The following OR52N2 variants were observed in gnomAD, a reference collection of about 807,000 sequenced individuals.
OR52N2 encodes olfactory receptor 52N2.
For synonymous variants in OR52N2, 129 were observed against 72.0 expected (o/e 1.79, Z -4.01); for missense variants, 326 against 196.6 (o/e 1.66, Z -3.94).
chr11:5,820,433 T>C lies in OR52N2; in HGVS notation c.98T>C (p.Phe33Ser). 2.6e-6 allele frequency: 2 copies of C among 780,838 alleles called. No individual in the cohort carries two copies. Among genetic ancestry groups the C allele is most frequent in the Non-Finnish European group, 4.8e-6 (2 of 418,046 alleles). 48.4% of individuals were successfully genotyped at this position (780,838 alleles called of 1,614,324 possible). The change falls in exon 2 of 2, where the codon TTC (phenylalanine) becomes TCC (serine). Residue 33 changes from phenylalanine (F) to serine (S), a missense_variant. Transcript: ENST00000317037. ...EATHIWISLP[F>S]CFMYIIAVVG... ...ACACACATCTGGATCTCCCTGCCAT[T>C]CTGCTTTATGTACATCATTGCTGTC...
At chr11:5,816,440 T>C (rs73394346) in intron 1 of OR52N2, among the ~76,000 whole-genome samples, 15,207 of 152,158 alleles carry the variant, frequency 0.1, 1,197 homozygotes, top group African/African-American at 0.22. Flanking sequence ...TAGGGCACCC[T>C]ATGAACTTTC....
chr11:5,814,366 A>G (rs1296174806), intron 1 of OR52N2, among the ~76,000 whole-genome samples: 1 of 144,172 alleles, frequency 6.9e-6, no homozygotes, highest in African/African-American at 2.5e-5. Flanking sequence ...ACAATCTGAA[A>G]AGAAATTTAG....
rs1170257258 is a variant in OR52N2 at position 5,820,861 on chromosome 11, A to G, written c.526A>G (p.Ile176Val). The G allele has an allele frequency of 1.3e-6, 1 of 780,928 alleles. No homozygotes were observed. Among genetic ancestry groups the G allele is most frequent in the African/African-American group, 1.7e-5 (1 of 59,236 alleles). The allele number at this position is 780,928 out of a possible 1,614,324, so 48.4% of individuals were successfully genotyped here. The change falls in exon 2 of 2, where the codon ATC becomes GTC. Residue 176 changes from isoleucine (I) to valine (V), a missense_variant. Transcript: ENST00000317037. ...CCTGCCCTATTGCCGGGGGAACTTC[A>G]TCCCCCACACCTACTGTGACCATAT... Reference protein sequence around the residue: ...KRLPYCRGNFIPHTYCDHMSV... With the variant: ...KRLPYCRGNFVPHTYCDHMSV...
chr11:5,810,203 G>A (rs939881351), intron 1 of OR52N2, among the ~76,000 whole-genome samples: 1 of 152,176 alleles, frequency 6.6e-6, no homozygotes, highest in African/African-American at 2.4e-5. Context: ...CAAGCTTTCC[G>A]AAAGAGACTT....
chr11:5,819,776 T>C (rs1846431399), intron 1 of OR52N2, among the ~76,000 whole-genome samples: 1 of 152,206 alleles, frequency 6.6e-6, no homozygotes. Context: ...ATATATAGAA[T>C]ACAAGCATTT....
intron 1 of OR52N2, among the ~76,000 whole-genome samples, chr11:5,811,079 TATA>T: frequency 6.6e-6 from 1 of 151,330 alleles, no homozygotes; most frequent in South Asian, 2.1e-4. Context: ...GATATATAAA[TATA>T]ATTTAAACTT....
At chr11:5,814,647 C>T (rs1846388081) in intron 1 of OR52N2, among the ~76,000 whole-genome samples, 1 of 152,054 alleles carries the variant, frequency 6.6e-6, no homozygotes, top group Non-Finnish European at 1.5e-5. Context: ...GTCAGTACAA[C>T]CCAAAGTAAT....
chr11:5,809,458 C>T (rs749674775), intron 1 of OR52N2, among the ~76,000 whole-genome samples: 13 of 152,106 alleles, frequency 8.5e-5, no homozygotes, highest in Non-Finnish European at 2.9e-5. Flanking sequence ...GTGCAGTTTC[C>T]GGGGAACAAT....
At position 5,820,538 on chromosome 11, in the gene OR52N2, T is replaced by A; in HGVS notation, c.203T>A (p.Leu68His). 2 of 779,414 alleles carry A rather than the reference T, an allele frequency of 2.6e-6. No homozygotes were observed. Among genetic ancestry groups the A allele is most frequent in the Non-Finnish European group, 4.8e-6 (2 of 417,240 alleles). The allele number at this position is 779,414 out of a possible 1,614,324, so 48.3% of individuals were successfully genotyped here. ...HRPMYYFLAL[L>H]SFTDVTLCTT... ...CCCATGTACTACTTCCTGGCCCTGC[T>A]CTCCTTCACTGATGTCACCTTGTGC... is the stretch of plus-strand genomic sequence containing the variant. Residue 68 changes from leucine (L) to histidine (H), a missense_variant, in exon 2 of 2, where the codon CTC becomes CAC. Transcript: ENST00000317037.
Position 5,820,491 on chromosome 11 carries a change from C to G in OR52N2, c.156C>G (p.Ser52Arg). The G allele has an allele frequency of 1.3e-6, 1 of 778,700 alleles. No individual in the cohort carries two copies. Among genetic ancestry groups the G allele is most frequent in the South Asian group, 1.3e-5 (1 of 74,198 alleles). 48.2% of individuals were successfully genotyped at this position (778,700 alleles called of 1,614,324 possible). Residue 52 changes from serine to arginine, a missense_variant, in exon 2 of 2, where the codon AGC (serine) becomes AGG (arginine). Transcript: ENST00000317037. ...VGNCGLICLI[S>R]HEEALHRPMY... ...ACTGTGGGCTCATCTGCCTCATCAG[C>G]CATGAGGAGGCCCTGCACCGGCCCA...
intron 1 of OR52N2, among the ~76,000 whole-genome samples, chr11:5,809,357 G>A (rs1273969757): frequency 1.3e-5 from 2 of 152,072 alleles, no homozygotes; most frequent in East Asian, 1.9e-4. Context: ...CTCCCCCATG[G>A]GCTGAGCTGA....
At chr11:5,819,633 G>A (rs565538280) in intron 1 of OR52N2, among the ~76,000 whole-genome samples, 2 of 152,218 alleles carry the variant, frequency 1.3e-5, no homozygotes, top group East Asian at 1.9e-4. Flanking sequence ...AGAAAAACAT[G>A]ATTTTGACAT....
At chr11:5,819,007 T>C (rs908179515) in intron 1 of OR52N2, among the ~76,000 whole-genome samples, 2 of 152,226 alleles carry the variant, frequency 1.3e-5, no homozygotes, top group African/African-American at 2.4e-5. Context: ...TTCCATGTAC[T>C]CTAGCCAGTG....
At chr11:5,816,307 G>A (rs73394344) in intron 1 of OR52N2, among the ~76,000 whole-genome samples, 15,177 of 152,084 alleles carry the variant, frequency 0.1, 1,190 homozygotes, top group African/African-American at 0.22. Context: ...GTATATACCT[G>A]AACATGATTA....
intron 1 of OR52N2, among the ~76,000 whole-genome samples, chr11:5,814,135 A>G (rs1450636901): frequency 6.6e-6 from 1 of 152,174 alleles, no homozygotes; most frequent in Non-Finnish European, 1.5e-5. Context: ...TCTATTCAAC[A>G]TAGTACTGAA....
chr11:5,817,859 A>C (rs1846415808), intron 1 of OR52N2, among the ~76,000 whole-genome samples: 1 of 152,196 alleles, frequency 6.6e-6, no homozygotes, highest in Non-Finnish European at 1.5e-5. Context: ...AAAAATTTGG[A>C]AACAAATATT....
chr11:5,815,026 A>T (rs1846391450), intron 1 of OR52N2, among the ~76,000 whole-genome samples: 1 of 152,198 alleles, frequency 6.6e-6, no homozygotes, highest in East Asian at 1.9e-4. Flanking sequence ...ACATGTACAG[A>T]AATGAAGTTG....
At chr11:5,810,513 G>C (rs1340410272) in intron 1 of OR52N2, among the ~76,000 whole-genome samples, 1 of 23,318 alleles carries the variant, frequency 4.3e-5, no homozygotes, top group Non-Finnish European at 2.5e-4. Flanking sequence ...GCAAAGGAAT[G>C]TGTTATAAGT....
chr11:5,813,156 G>A (rs1405295804), intron 1 of OR52N2, among the ~76,000 whole-genome samples: 1 of 139,286 alleles, frequency 7.2e-6, no homozygotes, highest in African/African-American at 2.5e-5. Context: ...ATATTTCAAG[G>A]AACTAGAAAA....
Sources: allele counts gnomAD v4.1 joint callset (sites outside exome capture counted in the v4.1 genomes callset), GRCh38; gene constraint gnomAD v4.1.1; transcripts MANE v1.5; gene names NCBI Gene and HGNC (gene_info 2026-07-23, HGNC 2026-07-21).